Variants in TBC1D5 observed in about 807,000 individuals in gnomAD.
The protein encoded by TBC1D5 is TBC1 domain family, member 5.
TBC1D5 carries 75 observed loss-of-function variants against 100.3 expected under a neutral mutation model. The ratio of observed to expected loss-of-function variants is 0.75; its 90% confidence interval spans 0.62 to 0.91. The LOEUF is 0.91. Among genes scored for constraint, TBC1D5 ranks in the 40% least tolerant of loss-of-function variants. The pLI is 0.00. For synonymous variants in TBC1D5, 323 were observed against 325.6 expected, an observed-to-expected ratio of 0.99 and a Z score of 0.09; for missense variants, 910 against 942.4, an observed-to-expected ratio of 0.97 and a Z score of 0.45.
chr3:17,450,762 G>GTA (rs2094907292), intron 3 of TBC1D5, among the ~76,000 whole-genome samples: 1 of 152,132 alleles, frequency 6.6e-6, no homozygotes, highest in South Asian at 2.1e-4. Flanking sequence ...CGTTTGATTG[G>GTA]TATACCTGAA....
At chr3:17,299,149 G>A (rs1034454653) in intron 14 of TBC1D5, among the ~76,000 whole-genome samples, 2 of 152,138 alleles carry the variant, frequency 1.3e-5, no homozygotes, top group East Asian at 1.9e-4. Flanking sequence ...CACAAGCACT[G>A]TGATACCAAC....
intron 16 of TBC1D5, among the ~76,000 whole-genome samples, chr3:17,243,372 T>A (rs1190795025): frequency 1.3e-5 from 2 of 152,156 alleles, no homozygotes; most frequent in Non-Finnish European, 2.9e-5. Flanking sequence ...TCAAATTTTT[T>A]AATGTTTTCA....
chr3:17,590,957 G>A (rs1560226687), intron 2 of TBC1D5, among the ~76,000 whole-genome samples: 5 of 151,634 alleles, frequency 3.3e-5, no homozygotes, highest in Non-Finnish European at 5.9e-5. Context: ...ACAGAGAATC[G>A]GGCCAGGCAC....
At chr3:17,244,134 A>G (rs2076534689) in intron 16 of TBC1D5, among the ~76,000 whole-genome samples, 1 of 152,206 alleles carries the variant, frequency 6.6e-6, no homozygotes, top group Non-Finnish European at 1.5e-5. Context: ...TAGTGATAAA[A>G]CAGGCTTCAT....
chr3:17,496,495 A>G (rs2095709298), intron 3 of TBC1D5, among the ~76,000 whole-genome samples: 1 of 151,956 alleles, frequency 6.6e-6, no homozygotes, highest in Non-Finnish European at 1.5e-5. Flanking sequence ...TCAACAGAAA[A>G]GGTTTCAATA....
chr3:17,664,935 T>TGAA (rs1299159705), intron 1 of TBC1D5: 2 of 147,966 alleles, frequency 1.4e-5, no homozygotes, highest in African/African-American at 5.0e-5. Context: ...CAGCCTTGAA[T>TGAA]GAAGACTGGA....
At chr3:17,712,838 GAAAT>G (rs2074870206) in intron 1 of TBC1D5, among the ~76,000 whole-genome samples, 1 of 152,124 alleles carries the variant, frequency 6.6e-6, no homozygotes, top group South Asian at 2.1e-4. Context: ...ATTTTAAGGT[GAAAT>G]AAATAAATTA....
intron 3 of TBC1D5, among the ~76,000 whole-genome samples, 157 bp downstream of exon 3, chr3:17,508,317 G>A (rs2095864805): frequency 6.6e-6 from 1 of 152,198 alleles, no homozygotes; most frequent in Non-Finnish European, 1.5e-5. Flanking sequence ...TTAGTGTCAA[G>A]AGTGCTCTGT....
chr3:17,725,982 C>T (rs983927631), intron 1 of TBC1D5, among the ~76,000 whole-genome samples: 41 of 152,134 alleles, frequency 2.7e-4, no homozygotes, highest in Admixed American at 2.0e-4. Context: ...TTTTCTGTTC[C>T]TGCATTAGTT....
chr3:17,218,589 G>T (rs1207611787), intron 17 of TBC1D5, among the ~76,000 whole-genome samples: 1 of 151,870 alleles, frequency 6.6e-6, no homozygotes, highest in Non-Finnish European at 1.5e-5. Context: ...TTATAGGGAA[G>T]GTTTACTAGT....
intron 1 of TBC1D5, among the ~76,000 whole-genome samples, chr3:17,734,007 CA>C (rs35483660): frequency 6.7e-6 from 1 of 149,828 alleles, no homozygotes; most frequent in Non-Finnish European, 1.5e-5. Flanking sequence ...GACCCTGCCT[CA>C]AAAAAAAATG....
At chr3:17,617,904 C>T (rs2062316700) in intron 2 of TBC1D5, among the ~76,000 whole-genome samples, 1 of 152,178 alleles carries the variant, frequency 6.6e-6, no homozygotes, top group African/African-American at 2.4e-5. Context: ...CTTCTGTCAA[C>T]TCATCAAAGT....
intron 19 of TBC1D5, among the ~76,000 whole-genome samples, chr3:17,180,049 A>G (rs2125409066): frequency 6.6e-6 from 1 of 152,372 alleles, no homozygotes; most frequent in East Asian, 1.9e-4. Flanking sequence ...AGCCACAGAG[A>G]TTAATACTGT....
chr3:17,612,321 TGAAAA>T (rs1006135606), intron 2 of TBC1D5, among the ~76,000 whole-genome samples: 2 of 146,602 alleles, frequency 1.4e-5, no homozygotes, highest in African/African-American at 2.5e-5. Flanking sequence ...AAAAAAGAAT[TGAAAA>T]GAAGAAATAA....
intron 2 of TBC1D5, among the ~76,000 whole-genome samples, chr3:17,518,012 A>G (rs962173122): frequency 6.6e-6 from 1 of 152,216 alleles, no homozygotes; most frequent in African/African-American, 2.4e-5. Flanking sequence ...TGGCAATAAT[A>G]ATAAACATTA....
At chr3:17,228,407 AG>A (rs1298391217) in intron 17 of TBC1D5, among the ~76,000 whole-genome samples, 2 of 152,194 alleles carry the variant, frequency 1.3e-5, no homozygotes, top group Non-Finnish European at 2.9e-5. Context: ...GTCTAGTGGA[AG>A]GCATAGAGAT....
chr3:17,559,137 A>G (rs1167341767), intron 2 of TBC1D5, among the ~76,000 whole-genome samples: 1 of 151,158 alleles, frequency 6.6e-6, no homozygotes, highest in Non-Finnish European at 1.5e-5. Flanking sequence ...TTTAATAGCT[A>G]TATAAATGTA....
At chr3:17,505,620 T>C (rs2095837094) in intron 3 of TBC1D5, among the ~76,000 whole-genome samples, 1 of 152,208 alleles carries the variant, frequency 6.6e-6, no homozygotes, top group South Asian at 2.1e-4. Flanking sequence ...ATTATTTAAT[T>C]AATAGGTTTG....
Position 17,576,052 on chromosome 3 carries a change from CT to C in TBC1D5, c.-36+47796del, listed in dbSNP as rs147418746. ...AAATGTTCAGTTACTAAGAATAGAA[CT>C]CTTTATTTTTCCTCATTTATTTTGA... On this transcript the variant is annotated intron_variant, in intron 2 of 21. Coordinates refer to ENST00000253692, the Ensembl canonical transcript of TBC1D5. Among the ~76,000 whole-genome samples, 1,378 of 152,134 alleles carry C rather than the reference CT, an allele frequency of 9.1e-3. 83 individuals carry two copies. The highest frequency in any genetic ancestry group is 0.072 in the Admixed American group (1,099 of 15,240).
Sources: allele counts gnomAD v4.1 joint callset (sites outside exome capture counted in the v4.1 genomes callset), GRCh38; gene constraint gnomAD v4.1.1; transcripts MANE v1.5; gene names NCBI Gene and HGNC (gene_info 2026-07-23, HGNC 2026-07-21).